Variants in SPRYD4 observed in about 807,000 individuals in gnomAD.
The protein encoded by SPRYD4 is SPRY domain containing 4, also known as SPRY domain-containing protein 4.
A neutral mutation model predicts 16.6 loss-of-function variants in SPRYD4; 12 were observed. The ratio of observed to expected loss-of-function variants is 0.72; its 90% CI spans 0.46 to 1.17. The LOEUF (loss-of-function observed/expected upper bound fraction) is 1.17, where lower values mean the gene tolerates loss of function less well. Among genes scored for constraint, SPRYD4 ranks in the 50% most tolerant of loss-of-function variants. The pLI, the probability that SPRYD4 is intolerant of heterozygous loss-of-function variation, is 0.00. For missense variants in SPRYD4, 260 were observed against 260.2 expected, an observed-to-expected ratio of 1.00 and a Z score of 0.00; for synonymous variants, 98 against 105.4, an observed-to-expected ratio of 0.93 and a Z score of 0.43.
chr12:56,478,339 T>C lies in SPRYD4; in HGVS notation c.*8762T>C. The C allele has an allele frequency of 6.8e-7, 1 of 1,476,874 alleles. No individual in the cohort carries two copies. The highest frequency in any genetic ancestry group is 1.8e-5 in the Admixed American group (1 of 55,984). The allele number at this position is 1,476,874 out of a possible 1,614,324, so 91.5% of individuals were successfully genotyped here. On this transcript the variant is annotated 3_prime_UTR_variant, in exon 2 of 2. Coordinates refer to ENST00000338146, the MANE Select transcript of SPRYD4 (RefSeq NM_207344.4). ...GAGTTGAGGTTGAGGGTCAAGAGAA[T>C]CTTTTAGATAAAAGCTAAAATTCTG...
At position 56,479,039 on chromosome 12, in the gene SPRYD4, C is replaced by T; in HGVS notation, c.*9462C>T. The T allele has an allele frequency of 1.2e-6, 2 of 1,613,264 alleles. No individual in the cohort carries two copies. The highest frequency in any genetic ancestry group is 1.7e-6 in the Non-Finnish European group (2 of 1,179,662). ...CAGGTCCCTGACCCCTCCCTTAGTC[C>T]CCTGACTCTCACTTTGCCTCCAGTG... On this transcript the variant is annotated 3_prime_UTR_variant, in exon 2 of 2. Transcript: ENST00000338146.
Position 56,469,131 on chromosome 12 carries a change from G to A in SPRYD4, c.178G>A (p.Glu60Lys). Residue 60 changes from glutamate (E) to lysine (K), a missense_variant, in exon 2 of 2, where the codon GAG (glutamate) becomes AAG (lysine). Physicochemically the swap from Glu to Lys is moderately conservative, Grantham distance 56. Transcript: ENST00000338146. ...TGTCAAATATGGCTTGGTGGGATTG[G>A]AGCCCACCAAGGTGGCCTTGAATGT... ...TGVKYGLVGL[E>K]PTKVALNVER... 3 of 1,613,836 alleles carry A rather than the reference G, an allele frequency of 1.9e-6. No individual in the cohort carries two copies. The highest frequency in any genetic ancestry group is 2.5e-6 in the Non-Finnish European group (3 of 1,179,878).
At position 56,475,079 on chromosome 12, in the gene SPRYD4, TC is replaced by T. The variant is rs778448182; in HGVS notation, c.*5504del. 3 of 1,614,024 alleles carry T rather than the reference TC, an allele frequency of 1.9e-6. No individual in the cohort carries two copies. In the East Asian group the frequency reaches 6.7e-5, roughly 36 times the overall value. On this transcript the variant is annotated 3_prime_UTR_variant, in exon 2 of 2. Transcript: ENST00000338146. ...TTGAGATAATAGCCGATGGCATAATTCCGATCCCCTGTTTCCTTCTCTGACT... is the reference window on the plus strand; with the variant it reads ...TTGAGATAATAGCCGATGGCATAATTCGATCCCCTGTTTCCTTCTCTGACT...
chr12:56,476,364 A>C lies in SPRYD4; in HGVS notation c.*6787A>C. On this transcript the variant is annotated 3_prime_UTR_variant, in exon 2 of 2. Transcript: ENST00000338146. The stretch of plus-strand genomic sequence containing the variant: ...TTCTCAATCCAAACCCTCATCCCTG[A>C]CTCCCACGTTCATTTTCCTGACTCG... 3 of 223,784 alleles carry C rather than the reference A, an allele frequency of 1.3e-5. No individual in the cohort carries two copies. Among genetic ancestry groups the C allele is most frequent in the Non-Finnish European group, 1.8e-5 (2 of 112,318 alleles). The allele number at this position is 223,784 out of a possible 1,614,324, so 13.9% of individuals were successfully genotyped here. A position where few individuals can be genotyped will look rare whatever the true frequency, so the allele number is the denominator to read the frequency against.
rs1869225677 is a variant in SPRYD4 at position 56,471,152 on chromosome 12, ATC to A, written c.*1582_*1583del. ...GTAGCTAGAGTCCCTCCACCAGAGTATCTCTCTCATGATGGTTTCTTCAGGGA... is the reference window on the plus strand; with the variant it reads ...GTAGCTAGAGTCCCTCCACCAGAGTATCTCTCATGATGGTTTCTTCAGGGA... On this transcript the variant is annotated 3_prime_UTR_variant, in exon 2 of 2. Transcript: ENST00000338146. 4.8e-6 allele frequency: 2 copies of A among 420,360 alleles called. No homozygotes were observed. The highest frequency in any genetic ancestry group is 8.4e-6 in the Non-Finnish European group (2 of 239,488). The allele number at this position is 420,360 out of a possible 1,614,324, so 26.0% of individuals were successfully genotyped here.
chr12:56,473,265 C>A lies in SPRYD4; in HGVS notation c.*3688C>A, dbSNP rs771248266. ...CCCTTCACGCCGTGGGTCTAACTTCCGAGCACAGTGCCTCAGGTTGTCATA... is the reference window on the plus strand; with the variant it reads ...CCCTTCACGCCGTGGGTCTAACTTCAGAGCACAGTGCCTCAGGTTGTCATA... On this transcript the variant is annotated 3_prime_UTR_variant, in exon 2 of 2. Transcript: ENST00000338146. 6.2e-7 allele frequency: 1 copy of A among 1,614,116 alleles called. No homozygotes were observed. The highest frequency in any genetic ancestry group is 1.1e-5 in the South Asian group (1 of 91,080).
In SPRYD4 at chr12:56,478,347, A is replaced by ATC; in HGVS notation, c.*8771_*8772insCT. ...GTTGAGGGTCAAGAGAATCTTTTAG[A>ATC]TAAAAGCTAAAATTCTGTCTTCTAT... On this transcript the variant is annotated 3_prime_UTR_variant, in exon 2 of 2. Coordinates refer to ENST00000338146, the MANE Select transcript of SPRYD4 (RefSeq NM_207344.4). 7.0e-7 allele frequency: 1 copy of ATC among 1,420,246 alleles called. No homozygotes were observed. The highest frequency in any genetic ancestry group is 9.8e-7 in the Non-Finnish European group (1 of 1,017,310). The allele number at this position is 1,420,246 out of a possible 1,614,324, so 88.0% of individuals were successfully genotyped here. A position where few individuals can be genotyped will look rare whatever the true frequency, so the allele number is the denominator to read the frequency against.
Position 56,474,957 on chromosome 12 carries a change from G to T in SPRYD4, c.*5380G>T. On this transcript the variant is annotated 3_prime_UTR_variant, in exon 2 of 2. Transcript: ENST00000338146. ...GACATCAGCCCTTTCACACTGTCAG[G>T]GTCTCAGCTGAAGCCCCCAACCCCT... 6.2e-7 allele frequency: 1 copy of T among 1,613,636 alleles called. No individual in the cohort carries two copies. The highest frequency in any genetic ancestry group is 1.1e-5 in the South Asian group (1 of 91,056).
In SPRYD4 at chr12:56,474,406, A is replaced by G; in HGVS notation, c.*4829A>G. ...GTGTTTTTGAGAAACTCGTCTAAGGAGTCTCAACCTAATTGCCTTCCTGGA... is the reference window on the plus strand; with the variant it reads ...GTGTTTTTGAGAAACTCGTCTAAGGGGTCTCAACCTAATTGCCTTCCTGGA... On this transcript the variant is annotated 3_prime_UTR_variant, in exon 2 of 2. Transcript: ENST00000338146. 4.1e-6 allele frequency: 4 copies of G among 987,346 alleles called. No individual in the cohort carries two copies. In the South Asian group the frequency reaches 6.3e-5, roughly 16 times the overall value. 61.2% of individuals were successfully genotyped at this position (987,346 alleles called of 1,614,324 possible).
At position 56,476,077 on chromosome 12, in the gene SPRYD4, G is replaced by T; in HGVS notation, c.*6500G>T. 8.6e-7 allele frequency: 1 copy of T among 1,162,446 alleles called. No homozygotes were observed. The highest frequency in any genetic ancestry group is 1.3e-6 in the Non-Finnish European group (1 of 790,968). 72.0% of individuals were successfully genotyped at this position (1,162,446 alleles called of 1,614,324 possible). On this transcript the variant is annotated 3_prime_UTR_variant, in exon 2 of 2. Coordinates refer to ENST00000338146, the MANE Select transcript of SPRYD4 (RefSeq NM_207344.4). ...GGAGTTCTAGTGTTAGTCTGGTCCT[G>T]CTGCTGCAAATGTGTTCAATTTTAT...
rs1227683824 is a variant in SPRYD4, at chr12:56,472,113, C to G, written c.*2536C>G. On this transcript the variant is annotated 3_prime_UTR_variant, in exon 2 of 2. Transcript: ENST00000338146. ...CCTCCTCCTCCCCTCCTTAACCCTTCAGTACCTTCAGCTGCAGCAACATGC... is the reference window on the plus strand; with the variant it reads ...CCTCCTCCTCCCCTCCTTAACCCTTGAGTACCTTCAGCTGCAGCAACATGC... 6.2e-7 allele frequency: 1 copy of G among 1,614,048 alleles called. No homozygotes were observed. The highest frequency in any genetic ancestry group is 2.2e-5 in the East Asian group (1 of 44,894).
Position 56,475,248 on chromosome 12 carries a change from T to C in SPRYD4, c.*5671T>C, listed in dbSNP as rs911695979. ...ACCCCTTTATAACTTCTCACAGTAA[T>C]ATTAGAGGAAATTTCTGAACCTGAG... On this transcript the variant is annotated 3_prime_UTR_variant, in exon 2 of 2. Transcript: ENST00000338146. 12 of 1,576,974 alleles carry C rather than the reference T, an allele frequency of 7.6e-6. No individual in the cohort carries two copies. Among genetic ancestry groups the C allele is most frequent in the Non-Finnish European group, 1.7e-6 (2 of 1,167,198 alleles).
chr12:56,472,219 A>G lies in SPRYD4; in HGVS notation c.*2642A>G, dbSNP rs377248358. Reference sequence around the variant, plus strand: ...ACCTGAGGGTAGTGGGAAAGCAGCTAGAGTTGCCTAGATCAGACTGGAATC... The same window carrying G: ...ACCTGAGGGTAGTGGGAAAGCAGCTGGAGTTGCCTAGATCAGACTGGAATC... On this transcript the variant is annotated 3_prime_UTR_variant, in exon 2 of 2. Transcript: ENST00000338146. 3.3e-5 allele frequency: 53 copies of G among 1,605,630 alleles called. No homozygotes were observed. Among genetic ancestry groups the G allele is most frequent in the African/African-American group, 1.5e-4 (11 of 74,836 alleles).
At position 56,477,702 on chromosome 12, in the gene SPRYD4, G is replaced by A. The variant is rs778272028; in HGVS notation, c.*8125G>A. ...CAACAATGGCACCAGCATTGACCAT[G>A]GGGTTATGGGGGATTCCTGGGGAAA... On this transcript the variant is annotated 3_prime_UTR_variant, in exon 2 of 2. Transcript: ENST00000338146. The A allele has an allele frequency of 6.2e-7, 1 of 1,613,246 alleles. No homozygotes were observed. The highest frequency in any genetic ancestry group is 1.7e-5 in the Admixed American group (1 of 59,804).
rs1219027285 is a variant in SPRYD4 at position 56,475,996 on chromosome 12, A to G, written c.*6419A>G. 5 of 1,611,536 alleles carry G rather than the reference A, an allele frequency of 3.1e-6. No individual in the cohort carries two copies. Among genetic ancestry groups the G allele is most frequent in the Non-Finnish European group, 4.2e-6 (5 of 1,179,560 alleles). On this transcript the variant is annotated 3_prime_UTR_variant, in exon 2 of 2. Coordinates refer to ENST00000338146, the MANE Select transcript of SPRYD4 (RefSeq NM_207344.4). ...AGTCCATCTGCAGAGAAAGAGAGAG[A>G]TGTCAGCATTCTAAGTGTAGGAGGA...
chr12:56,468,907 T>C lies in SPRYD4; in HGVS notation c.86-132T>C, dbSNP rs1869109217. The C allele has an allele frequency of 2.4e-6, 3 of 1,258,568 alleles. No individual in the cohort carries two copies. In the Admixed American group the frequency reaches 8.2e-5, roughly 34 times the overall value. 78.0% of individuals were successfully genotyped at this position (1,258,568 alleles called of 1,614,324 possible). ...CCGTAGTAAAGCGACCTCGCGACTC[T>C]CTTGCCCGCTTGGCATTCTGACTCT... On this transcript the variant is annotated intron_variant, in intron 1 of 1. Transcript: ENST00000338146.
At position 56,478,227 on chromosome 12, in the gene SPRYD4, G is replaced by A; in HGVS notation, c.*8650G>A. On this transcript the variant is annotated 3_prime_UTR_variant, in exon 2 of 2. Coordinates refer to ENST00000338146, the MANE Select transcript of SPRYD4 (RefSeq NM_207344.4). ...ACAGGGAGACACCCCACAGGTCTGGGTTTGACTTGGCCAGCTGAGGGATGT... is the reference window on the plus strand; with the variant it reads ...ACAGGGAGACACCCCACAGGTCTGGATTTGACTTGGCCAGCTGAGGGATGT... 6.2e-7 allele frequency: 1 copy of A among 1,614,250 alleles called. No individual in the cohort carries two copies. The highest frequency in any genetic ancestry group is 8.5e-7 in the Non-Finnish European group (1 of 1,180,046).
rs895166763 is a variant in SPRYD4 at position 56,475,444 on chromosome 12, C to A, written c.*5867C>A. ...CATTATGTACTAATTAGAAATGGAACAAATTATTTTACAAGATAAACAAAT... is the reference window on the plus strand; with the variant it reads ...CATTATGTACTAATTAGAAATGGAAAAAATTATTTTACAAGATAAACAAAT... On this transcript the variant is annotated 3_prime_UTR_variant, in exon 2 of 2. Coordinates refer to ENST00000338146, the MANE Select transcript of SPRYD4 (RefSeq NM_207344.4). 2.1e-5 allele frequency: 15 copies of A among 720,542 alleles called. No individual in the cohort carries two copies. Among genetic ancestry groups the A allele is most frequent in the Middle Eastern group, 5.5e-4 (2 of 3,648 alleles). 44.6% of individuals were successfully genotyped at this position (720,542 alleles called of 1,614,324 possible). A position where few individuals can be genotyped will look rare whatever the true frequency, so the allele number is the denominator to read the frequency against.
rs760901469 is a variant in SPRYD4, at chr12:56,478,233, C to G, written c.*8656C>G. 1 of 1,614,222 alleles carries G rather than the reference C, an allele frequency of 6.2e-7. No homozygotes were observed. The highest frequency in any genetic ancestry group is 1.7e-5 in the Admixed American group (1 of 60,020). ...AGACACCCCACAGGTCTGGGTTTGA[C>G]TTGGCCAGCTGAGGGATGTAGGCTG... On this transcript the variant is annotated 3_prime_UTR_variant, in exon 2 of 2. Transcript: ENST00000338146.
Sources: gnomAD v4.1 joint callset for allele counts on GRCh38, gnomAD v4.1.1 for gene constraint, MANE v1.5 for transcripts, NCBI Gene and HGNC (gene_info 2026-07-23, HGNC 2026-07-21) for gene names.